The following ATRN variants were observed in gnomAD, a reference collection of about 807,000 sequenced individuals.
The protein encoded by ATRN is attractin.
ATRN carries 54 observed loss-of-function variants against 178.7 expected under a neutral mutation model. The observed-to-expected ratio is 0.30, with a 90% confidence interval of 0.24 to 0.38. The LOEUF is 0.38. Among genes scored for constraint, ATRN ranks in the 10% least tolerant of loss-of-function variants. The pLI is 1.00. For missense variants in ATRN, 1,443 were observed against 1,815.1 expected (o/e 0.79, Z 3.73); for synonymous variants, 636 against 663.0 (o/e 0.96, Z 0.63).
intron 1 of ATRN, among the ~76,000 whole-genome samples, chr20:3,497,098 G>A (rs2084890714): frequency 6.7e-6 from 1 of 150,122 alleles, no homozygotes; most frequent in Non-Finnish European, 1.5e-5. Flanking sequence ...ACACTGATGG[G>A]TCTTGACTCT....
chr20:3,496,215 G>A (rs1311542906), intron 1 of ATRN, among the ~76,000 whole-genome samples: 2 of 150,482 alleles, frequency 1.3e-5, no homozygotes, highest in Non-Finnish European at 3.0e-5. Flanking sequence ...GTTTGCTCTT[G>A]CTTTTCTAGT....
chr20:3,490,533 T>G (rs573919343), intron 1 of ATRN: 2 of 1,192,706 alleles, frequency 1.7e-6, no homozygotes, highest in South Asian at 1.2e-5. Context: ...TGGACAGGTA[T>G]GTGATATAAT....
intron 6 of ATRN, among the ~76,000 whole-genome samples, chr20:3,558,667 A>C (rs559789437): frequency 6.6e-6 from 1 of 151,918 alleles, no homozygotes; most frequent in Non-Finnish European, 1.5e-5. Context: ...GGAATGTGGC[A>C]TCTTTTAAAA....
intron 6 of ATRN, among the ~76,000 whole-genome samples, chr20:3,550,812 G>T (rs2085776539): frequency 6.6e-6 from 1 of 152,134 alleles, no homozygotes; most frequent in Non-Finnish European, 1.5e-5. Context: ...AAAGAGACCT[G>T]TCAGGGTCTA....
intron 6 of ATRN, among the ~76,000 whole-genome samples, chr20:3,558,813 T>C (rs887451792): frequency 6.6e-6 from 1 of 152,124 alleles, no homozygotes; most frequent in Admixed American, 6.5e-5. Flanking sequence ...AATGTGATTA[T>C]TGAATAATGC....
At chr20:3,594,103 G>A (rs75618531) in intron 19 of ATRN, among the ~76,000 whole-genome samples, 5,030 of 152,238 alleles carry the variant, frequency 0.033, 291 homozygotes, top group African/African-American at 0.11. Flanking sequence ...CTCCCTAGGG[G>A]CAGCAGCTAT....
intron 24 of ATRN, among the ~76,000 whole-genome samples, chr20:3,607,648 T>A (rs1395353738): frequency 1.3e-5 from 2 of 152,238 alleles, no homozygotes; most frequent in East Asian, 3.8e-4. Flanking sequence ...GTTGATTCCA[T>A]GTCTTCACTC....
intron 24 of ATRN, among the ~76,000 whole-genome samples, chr20:3,609,568 T>C (rs2086731636): frequency 6.6e-6 from 1 of 152,230 alleles, no homozygotes; most frequent in South Asian, 2.1e-4. Context: ...TTGTTGATGC[T>C]GTCCTCTAAT....
At chr20:3,543,041 C>G (rs2085647627) in intron 3 of ATRN, among the ~76,000 whole-genome samples, 1 of 152,144 alleles carries the variant, frequency 6.6e-6, no homozygotes, top group Non-Finnish European at 1.5e-5. Context: ...CAGTGAAAGC[C>G]TGATGATGGT....
At position 3,648,971 on chromosome 20, in the gene ATRN, A is replaced by G. The variant is rs2087126645; in HGVS notation, c.*2124A>G. The G allele has an allele frequency of 6.6e-6, 1 of 152,246 alleles. No individual in the cohort carries two copies. Among genetic ancestry groups the G allele is most frequent in the South Asian group, 2.1e-4 (1 of 4,832 alleles). 9.4% of individuals were successfully genotyped at this position (152,246 alleles called of 1,614,324 possible). On this transcript the variant is annotated 3_prime_UTR_variant, in exon 29 of 29. Coordinates refer to ENST00000262919, the MANE Select transcript of ATRN (RefSeq NM_139321.3). ...CCATGTTAGTCCTATGCCTTGAAAT[A>G]TCATGCACCATGACCCACAGCCATC...
chr20:3,646,272 G>A (rs530018423), intron 28 of ATRN, among the ~76,000 whole-genome samples: 5 of 152,240 alleles, frequency 3.3e-5, no homozygotes, highest in South Asian at 4.2e-4. Context: ...TCTGAATCTC[G>A]TCATAAAGCG....
intron 3 of ATRN, among the ~76,000 whole-genome samples, chr20:3,544,915 G>A (rs960762145): frequency 2.0e-5 from 3 of 151,788 alleles, no homozygotes; most frequent in Admixed American, 6.6e-5. Flanking sequence ...AAGAACCTAG[G>A]GAGCTTTTAA....
chr20:3,589,282 G>A (rs2086405182), intron 18 of ATRN, among the ~76,000 whole-genome samples: 2 of 152,064 alleles, frequency 1.3e-5, no homozygotes, highest in South Asian at 2.1e-4. Context: ...ACAGGCGTGA[G>A]CCACCACGCC....
chr20:3,490,290 G>T, intron 1 of ATRN: 4 of 1,144,740 alleles, frequency 3.5e-6, no homozygotes, highest in Non-Finnish European at 5.3e-6. Context: ...GAGAGGTCAA[G>T]ATGGGCTCCA....
chr20:3,630,524 A>G lies in ATRN; in HGVS notation c.3864-3787A>G, dbSNP rs191498391. ...TGCTTTTAAGGGATGTAGGGGCTGT[A>G]TTGTAGCTCCAGTAGACATCCTTAA... On this transcript the variant is annotated intron_variant, in intron 25 of 28. Transcript: ENST00000262919. Among the ~76,000 whole-genome samples, 429 of 152,288 alleles carry G rather than the reference A, an allele frequency of 2.8e-3. 8 individuals are homozygous for G. Among genetic ancestry groups the G allele is most frequent in the Admixed American group, 0.024 (374 of 15,304 alleles).
chr20:3,528,634 G>A (rs970991126), intron 1 of ATRN, among the ~76,000 whole-genome samples: 35 of 151,982 alleles, frequency 2.3e-4, no homozygotes, highest in African/African-American at 8.2e-4. Flanking sequence ...TGCCTTTCAG[G>A]TATTACGCTG....
chr20:3,593,551 A>G (rs2086483136), intron 19 of ATRN, among the ~76,000 whole-genome samples: 1 of 152,206 alleles, frequency 6.6e-6, no homozygotes, highest in Non-Finnish European at 1.5e-5. Flanking sequence ...AAACCCAGGC[A>G]GATGGACGTA....
At chr20:3,486,078 A>T (rs577798097) in intron 1 of ATRN, among the ~76,000 whole-genome samples, 3 of 152,114 alleles carry the variant, frequency 2.0e-5, no homozygotes, top group Non-Finnish European at 2.9e-5. Context: ...TTTTTTTCCA[A>T]TGTCTTCTGA....
At chr20:3,561,331 C>G (rs2085950230) in intron 8 of ATRN, among the ~76,000 whole-genome samples, 1 of 152,048 alleles carries the variant, frequency 6.6e-6, no homozygotes, top group African/African-American at 2.4e-5. Flanking sequence ...TCAAAACAAA[C>G]AAACAAACAA....
Sources: gnomAD v4.1 joint callset for allele counts (sites outside exome capture counted in the v4.1 genomes callset) on GRCh38, gnomAD v4.1.1 for gene constraint, MANE v1.5 for transcripts, NCBI Gene and HGNC (gene_info 2026-07-23, HGNC 2026-07-21) for gene names.